The following ARFIP1 variants were observed in gnomAD, a reference collection of about 807,000 sequenced individuals.
ARFIP1 encodes ARF interacting protein 1, also known as arfaptin-1.
In ARFIP1, 24 loss-of-function variants were observed where a neutral mutation model predicts 42.5. The observed-to-expected ratio is 0.57, with a 90% CI of 0.41 to 0.80. ARFIP1 has a LOEUF of 0.80. ARFIP1 is among the 30% of genes least tolerant of loss of function. The probability of loss-of-function intolerance (pLI) is 0.00; values close to 1 mark genes in which losing one functional copy is unlikely to be tolerated. For missense variants in ARFIP1, 354 were observed against 434.0 expected, an observed-to-expected ratio of 0.82 and a Z score of 1.64; for synonymous variants, 141 against 153.7, an observed-to-expected ratio of 0.92 and a Z score of 0.61.
chr4:152,840,721 T>C (rs1731996385), intron 2 of ARFIP1, among the ~76,000 whole-genome samples: 1 of 148,420 alleles, frequency 6.7e-6, no homozygotes, highest in Non-Finnish European at 1.5e-5. Context: ...ATCTTTTTTT[T>C]TTTTTTTTTT....
At chr4:152,811,574 A>G (rs1729472095) in intron 1 of ARFIP1, among the ~76,000 whole-genome samples, 1 of 152,210 alleles carries the variant, frequency 6.6e-6, no homozygotes, top group Non-Finnish European at 1.5e-5. Flanking sequence ...TAGTAGATTC[A>G]GTAATAGAGG....
intron 8 of ARFIP1, among the ~76,000 whole-genome samples, chr4:152,898,505 T>G (rs1351424261): frequency 6.6e-6 from 1 of 152,158 alleles, no homozygotes; most frequent in Non-Finnish European, 1.5e-5. Flanking sequence ...TCACCTTAAG[T>G]TTTTTAAGGT....
intron 1 of ARFIP1, among the ~76,000 whole-genome samples, chr4:152,816,039 C>T (rs1260930438): frequency 6.6e-6 from 1 of 152,190 alleles, no homozygotes; most frequent in African/African-American, 2.4e-5. Context: ...CCACCGCGCC[C>T]GGCCATCTGA....
In ARFIP1 at chr4:152,829,617, T is replaced by C. The variant is rs1322073788; in HGVS notation, c.-9-8T>C. 1 of 1,586,618 alleles carries C rather than the reference T, an allele frequency of 6.3e-7. No homozygotes were observed. On this transcript the variant is annotated splice_region_variant and splice_polypyrimidine_tract_variant and intron_variant, in intron 1 of 8. Transcript: ENST00000353617. The stretch of plus-strand genomic sequence containing the variant: ...AGTTACGGCGCTTTTTTTCTTCTTT[T>C]GTTTTAGGAGTCTACCATGGCTCAA...
intron 1 of ARFIP1, among the ~76,000 whole-genome samples, chr4:152,824,958 A>G (rs1008795717): frequency 1.3e-5 from 2 of 151,892 alleles, no homozygotes; most frequent in Admixed American, 6.6e-5. Flanking sequence ...ATATATACAC[A>G]CACGCACACC....
At chr4:152,905,645 C>T (rs1428235883) in intron 8 of ARFIP1, among the ~76,000 whole-genome samples, 3 of 146,564 alleles carry the variant, frequency 2.0e-5, no homozygotes, top group South Asian at 2.2e-4. Context: ...CTCCACCTCC[C>T]GGGTTCAAGC....
chr4:152,848,938 T>C (rs1439493876), intron 2 of ARFIP1, among the ~76,000 whole-genome samples: 1 of 152,222 alleles, frequency 6.6e-6, no homozygotes, highest in Non-Finnish European at 1.5e-5. Context: ...ATGGCAATAA[T>C]GATTTGATGG....
intron 2 of ARFIP1, among the ~76,000 whole-genome samples, chr4:152,840,779 C>T (rs958804215): frequency 2.4e-4 from 33 of 139,320 alleles, no homozygotes; most frequent in African/African-American, 4.3e-4. Flanking sequence ...AGTGCAATGG[C>T]GCAATCTCGG....
intron 1 of ARFIP1, among the ~76,000 whole-genome samples, chr4:152,798,968 C>A (rs1237073673): frequency 2.0e-5 from 3 of 152,204 alleles, no homozygotes; most frequent in Non-Finnish European, 2.9e-5. Flanking sequence ...ACATGAAGGT[C>A]AGGGAGATCT....
intron 2 of ARFIP1, among the ~76,000 whole-genome samples, chr4:152,837,377 G>A (rs1731737523): frequency 6.6e-6 from 1 of 152,148 alleles, no homozygotes; most frequent in African/African-American, 2.4e-5. Flanking sequence ...GGCTGTACTA[G>A]TTTACATTCC....
chr4:152,806,926 A>G (rs1052668892), intron 1 of ARFIP1, among the ~76,000 whole-genome samples: 2 of 151,264 alleles, frequency 1.3e-5, no homozygotes, highest in African/African-American at 4.9e-5. Flanking sequence ...GTAACCTTGA[A>G]CTCTCAGGCT....
chr4:152,845,827 C>T (rs931794764), intron 2 of ARFIP1, among the ~76,000 whole-genome samples: 7 of 152,338 alleles, frequency 4.6e-5, no homozygotes, highest in Middle Eastern at 6.8e-3. Flanking sequence ...TCAGACCCAG[C>T]AATCCCATGA....
intron 1 of ARFIP1, among the ~76,000 whole-genome samples, chr4:152,803,749 A>G (rs1186236197): frequency 2.0e-5 from 3 of 151,844 alleles, no homozygotes; most frequent in African/African-American, 7.3e-5. Context: ...AGCTGTCTCT[A>G]AGGCTCTGGG....
chr4:152,843,983 T>G (rs1270993932), intron 2 of ARFIP1, among the ~76,000 whole-genome samples: 1 of 152,186 alleles, frequency 6.6e-6, no homozygotes, highest in African/African-American at 2.4e-5. Context: ...GAGATTTCCT[T>G]CTCACTGTGG....
intron 1 of ARFIP1, among the ~76,000 whole-genome samples, chr4:152,818,394 G>A (rs1730079594): frequency 6.6e-6 from 1 of 152,312 alleles, no homozygotes; most frequent in South Asian, 2.1e-4. Flanking sequence ...CTGATTTAGT[G>A]AGCAGTGGGG....
intron 1 of ARFIP1, among the ~76,000 whole-genome samples, chr4:152,797,499 G>A (rs1011550381): frequency 6.6e-6 from 1 of 152,134 alleles, no homozygotes; most frequent in Non-Finnish European, 1.5e-5. Flanking sequence ...AAAATAGCTT[G>A]TTAGTATTTT....
chr4:152,873,424 A>G lies in ARFIP1; in HGVS notation c.411+860A>G, dbSNP rs147685374. Among the ~76,000 whole-genome samples, 554 of 152,350 alleles carry G rather than the reference A, an allele frequency of 3.6e-3. 1 individual carries two copies. Among genetic ancestry groups the G allele is most frequent in the Middle Eastern group, 0.017 (5 of 294 alleles). On this transcript the variant is annotated intron_variant, in intron 5 of 8. Transcript: ENST00000353617. ...TGATGTAGAAGTCTTCTACAAAAGTATAGGTTTTCTTAAGATGGTAAAACC... is the reference window on the plus strand; with the variant it reads ...TGATGTAGAAGTCTTCTACAAAAGTGTAGGTTTTCTTAAGATGGTAAAACC...
intron 1 of ARFIP1, chr4:152,796,842 G>A: frequency 1.8e-6 from 1 of 550,802 alleles, no homozygotes; most frequent in East Asian, 3.2e-5. Context: ...CACAGTGACG[G>A]CTGCAGAGCA....
At position 152,901,905 on chromosome 4, in the gene ARFIP1, C is replaced by G. The variant is rs963787108; in HGVS notation, c.967-8159C>G. On this transcript the variant is annotated intron_variant, in intron 8 of 8. Transcript: ENST00000353617. ...AGGATGTTTTAATACAACTTCAAGG[C>G]TAGAGACAAAATTGGGAACAAGGTT... Among the ~76,000 whole-genome samples the G allele has an allele frequency of 1.1e-4, 17 of 152,294 alleles. No individual in the cohort carries two copies. In the South Asian group the frequency reaches 3.5e-3, roughly 32 times the overall value.
Sources: gnomAD v4.1 joint callset for allele counts (sites outside exome capture counted in the v4.1 genomes callset) on GRCh38, gnomAD v4.1.1 for gene constraint, MANE v1.5 for transcripts, NCBI Gene and HGNC (gene_info 2026-07-23, HGNC 2026-07-21) for gene names.